The following TRAPPC13 variants were observed in gnomAD, a reference collection of about 807,000 sequenced individuals.
TRAPPC13 encodes trafficking protein particle complex subunit 13, also known as REV7-interacting novel NHEJ regulator 1.
In TRAPPC13, 39 loss-of-function variants were observed where a neutral mutation model predicts 54.0. That is an observed-to-expected ratio of 0.72 (90% CI 0.56 to 0.94). TRAPPC13 has a LOEUF of 0.94. TRAPPC13 is among the 40% of genes least tolerant of loss of function. TRAPPC13 has a pLI of 0.00. For missense variants in TRAPPC13, 386 were observed against 488.1 expected (o/e 0.79, Z 1.97); for synonymous variants, 148 against 167.7 (o/e 0.88, Z 0.91).
At chr5:65,630,575 C>A in intron 1 of TRAPPC13, 3 of 1,169,664 alleles carry the variant, frequency 2.6e-6, no homozygotes, top group Non-Finnish European at 3.2e-6. Flanking sequence ...TTGTTACAAA[C>A]TGTGATTGAA....
rs1297341627 is a variant in TRAPPC13 at position 65,662,075 on chromosome 5, T to G, written c.923T>G (p.Leu308Trp). 6.2e-7 allele frequency: 1 copy of G among 1,608,160 alleles called. No homozygotes were observed. Among genetic ancestry groups the G allele is most frequent in the Non-Finnish European group, 8.5e-7 (1 of 1,177,576 alleles). The stretch of plus-strand genomic sequence containing the variant: ...GCTCCAGGTTATGGAGATGTTAGGT[T>G]GTCTTTGGAGGCAATACCAGATACC... ...RMAPGYGDVR[L>W]SLEAIPDTVN... The change falls in exon 11 of 13, where the codon TTG (leucine) becomes TGG (tryptophan). Residue 308 changes from leucine (L) to tryptophan (W), a missense_variant. Leu to Trp is a moderately conservative substitution (Grantham distance 61). Transcript: ENST00000399438.
chr5:65,627,065 G>A (rs1411828046), intron 1 of TRAPPC13, among the ~76,000 whole-genome samples: 1 of 143,034 alleles, frequency 7.0e-6, no homozygotes, highest in Non-Finnish European at 1.5e-5. Context: ...CTGGGAGGCA[G>A]AGGCTGCAGT....
At chr5:65,625,785 TTTTA>T (rs1355405548) in intron 1 of TRAPPC13, 2 of 152,236 alleles carry the variant, frequency 1.3e-5, no homozygotes, top group Admixed American at 1.3e-4. Flanking sequence ...TTCAGCTTTA[TTTTA>T]TTTGTTTTTT....
intron 4 of TRAPPC13, among the ~76,000 whole-genome samples, chr5:65,645,198 CAAA>C (rs71610504): frequency 2.8e-5 from 3 of 108,766 alleles, no homozygotes; most frequent in Non-Finnish European, 3.6e-5. Flanking sequence ...AACTCTGTCT[CAAA>C]AAAAAAAAAA....
rs766210311 is a variant in TRAPPC13 at position 65,664,579 on chromosome 5, G to T, written c.1222G>T (p.Val408Leu). 2.1e-5 allele frequency: 34 copies of T among 1,612,668 alleles called. No homozygotes were observed. The highest frequency in any genetic ancestry group is 8.5e-7 in the Non-Finnish European group (1 of 1,179,656). The part of the protein sequence containing the change: ...YEYDDIAQVC[V>L]VSSAIKVES The stretch of plus-strand genomic sequence containing the variant: ...ATATGATGACATCGCACAAGTCTGT[G>T]TGGTATCTTCTGCCATTAAAGTGGA... The change falls in exon 13 of 13, where the codon GTG becomes TTG. Residue 408 changes from valine to leucine, a missense_variant. By Grantham distance (32) the Val-to-Leu change is conservative. Transcript: ENST00000399438.
intron 6 of TRAPPC13, among the ~76,000 whole-genome samples, chr5:65,651,646 T>TGGGG (rs531254946): frequency 0.051 from 7,210 of 141,354 alleles, 272 homozygotes; most frequent in East Asian, 0.096. Flanking sequence ...CACATTTATG[T>TGGGG]GGGGGGGGTG....
intron 1 of TRAPPC13, among the ~76,000 whole-genome samples, chr5:65,627,501 G>A (rs897913927): frequency 6.6e-6 from 1 of 152,064 alleles, no homozygotes; most frequent in African/African-American, 2.4e-5. Context: ...GTGATGGTGT[G>A]CACCAGTGGT....
At chr5:65,659,176 C>G (rs557969360) in intron 9 of TRAPPC13, among the ~76,000 whole-genome samples, 1 of 152,220 alleles carries the variant, frequency 6.6e-6, no homozygotes, top group Non-Finnish European at 1.5e-5. Flanking sequence ...AGAGACAGGT[C>G]TCATTAATGT....
rs560124154 is a variant in TRAPPC13 at position 65,628,927 on chromosome 5, C to G, written c.46+3821C>G. ...CTGGCTCCCAGGTTCAAGCTATTCT[C>G]CTGCCTCAGCTTCCCTAGTAGCTGG... is the stretch of plus-strand genomic sequence containing the variant. On this transcript the variant is annotated intron_variant, in intron 1 of 12. Coordinates refer to ENST00000399438, the MANE Select transcript of TRAPPC13 (RefSeq NM_024941.4). Among the ~76,000 whole-genome samples the G allele has an allele frequency of 2.2e-4, 34 of 151,930 alleles. No individual in the cohort carries two copies. In the South Asian group the frequency reaches 4.8e-3, roughly 22 times the overall value.
intron 4 of TRAPPC13, among the ~76,000 whole-genome samples, chr5:65,646,280 A>T (rs767665523): frequency 1.3e-5 from 2 of 152,128 alleles, no homozygotes; most frequent in African/African-American, 4.8e-5. Context: ...GCTACTTTAG[A>T]TGAGGTAGTG....
At chr5:65,633,196 A>G (rs1243088813) in intron 1 of TRAPPC13, among the ~76,000 whole-genome samples, 1 of 152,168 alleles carries the variant, frequency 6.6e-6, no homozygotes, top group East Asian at 1.9e-4. Flanking sequence ...TGGGTGGTAC[A>G]TTTTTACATA....
At chr5:65,650,937 T>C in intron 6 of TRAPPC13, 55 bp downstream of exon 6, 1 of 1,259,078 alleles carries the variant, frequency 7.9e-7, no homozygotes, top group South Asian at 1.2e-5. Flanking sequence ...TTCCTGGTAG[T>C]ATACAGTTAT....
chr5:65,660,870 G>T lies in TRAPPC13; in HGVS notation c.870G>T (p.Arg290Ser). Residue 290 changes from arginine to serine, a missense_variant, in exon 10 of 13, where the codon AGG becomes AGT. Transcript: ENST00000399438. Reference sequence around the variant, plus strand: ...AAACAAATCTAGGTGAAAGGGGAAGGTTACAGACCAGCCAACTTCAAAGAA... The same window carrying T: ...AAACAAATCTAGGTGAAAGGGGAAGTTTACAGACCAGCCAACTTCAAAGAA... ...VWKTNLGERG[R>S]LQTSQLQRMA... 3 of 1,611,344 alleles carry T rather than the reference G, an allele frequency of 1.9e-6. No individual in the cohort carries two copies. The highest frequency in any genetic ancestry group is 1.7e-5 in the Admixed American group (1 of 59,796).
At chr5:65,643,390 G>T (rs1039422082) in intron 4 of TRAPPC13, among the ~76,000 whole-genome samples, 1 of 151,976 alleles carries the variant, frequency 6.6e-6, no homozygotes, top group Non-Finnish European at 1.5e-5. Context: ...TTTATCAATT[G>T]TGTTGTTTAG....
At chr5:65,651,863 T>G (rs1293613741) in intron 6 of TRAPPC13, among the ~76,000 whole-genome samples, 30 of 122,250 alleles carry the variant, frequency 2.5e-4, no homozygotes, top group African/African-American at 8.9e-4. Flanking sequence ...TTTTTTTTTT[T>G]TTTTTTTTTT....
At chr5:65,651,152 G>C (rs1756415631) in intron 6 of TRAPPC13, among the ~76,000 whole-genome samples, 1 of 152,170 alleles carries the variant, frequency 6.6e-6, no homozygotes. Context: ...CTGGCACAGT[G>C]GCTCACACCT....
At chr5:65,629,920 G>A in intron 1 of TRAPPC13, 3 of 1,536,078 alleles carry the variant, frequency 2.0e-6, no homozygotes. Context: ...TGAAGGAACA[G>A]ACTAATTCTG....
chr5:65,629,603 A>G (rs1755435025), intron 1 of TRAPPC13: 1 of 1,532,620 alleles, frequency 6.5e-7, no homozygotes, highest in Admixed American at 2.0e-5. Flanking sequence ...TACAGAAGTA[A>G]TATTACATTA....
At chr5:65,626,295 C>T (rs1755226301) in intron 1 of TRAPPC13, 1 of 152,220 alleles carries the variant, frequency 6.6e-6, no homozygotes, top group South Asian at 2.1e-4. Context: ...CAACGCAAGG[C>T]CTGCCTCTCT....
Sources: gnomAD v4.1 joint callset for allele counts (sites outside exome capture counted in the v4.1 genomes callset) on GRCh38, gnomAD v4.1.1 for gene constraint, MANE v1.5 for transcripts, NCBI Gene and HGNC (gene_info 2026-07-23, HGNC 2026-07-21) for gene names.